The following NCAPD3 variants were observed in gnomAD, a reference collection of about 807,000 sequenced individuals.
NCAPD3 encodes non-SMC condensin II complex subunit D3, also known as condensin-2 complex subunit D3.
Under a neutral mutation model 182.9 loss-of-function variants are expected in NCAPD3, and 105 were observed. The ratio of observed to expected loss-of-function variants is 0.57; its 90% CI spans 0.49 to 0.68. The LOEUF (loss-of-function observed/expected upper bound fraction) is 0.68. NCAPD3 is among the 30% of genes least tolerant of loss of function. The pLI is 0.00. For missense variants in NCAPD3, 1,944 were observed against 1,837.0 expected (o/e 1.06, Z -1.07); for synonymous variants, 815 against 679.9 (o/e 1.20, Z -3.09).
chr11:134,196,155 G>A (rs925782069), intron 13 of NCAPD3, among the ~76,000 whole-genome samples: 1 of 151,816 alleles, frequency 6.6e-6, no homozygotes, highest in Non-Finnish European at 1.5e-5. Flanking sequence ...AAGAAAGGAG[G>A]GACATTACTA....
Position 134,223,844 on chromosome 11 carries a change from C to T in NCAPD3, c.64+19G>A, listed in dbSNP as rs779933156. 4 of 1,610,822 alleles carry T rather than the reference C, an allele frequency of 2.5e-6. No individual in the cohort carries two copies. In the East Asian group the frequency reaches 6.7e-5, roughly 27 times the overall value. ...GACCCTCGCCCTGGCCCCCGGGCCT[C>T]CCGGCTGCATCTGCTCACCGAGTCT... On this transcript the variant is annotated intron_variant, in intron 1 of 34. Transcript: ENST00000534548.
Position 134,168,909 on chromosome 11 carries a change from TC to T in NCAPD3, c.3239+7del. On this transcript the variant is annotated splice_region_variant and intron_variant, in intron 25 of 34. Transcript: ENST00000534548. ...TACAAGGAGACCAGACTTAGCTGCT[TC>T]ACTGACCTCTCTGACTGGGGGAACT... The T allele has an allele frequency of 4.3e-6, 7 of 1,611,542 alleles. No homozygotes were observed. The highest frequency in any genetic ancestry group is 5.1e-6 in the Non-Finnish European group (6 of 1,178,568).
In NCAPD3 at chr11:134,208,871, C is replaced by T; in HGVS notation, c.875G>A (p.Gly292Glu). ...YLLCSPIHGE[G>E]DKVISCVFHQ... ...GGTTCTCATCTCCTTTACCTTATCTCCTTCTCCATGAATGGGAGAGCACAG... is the reference window on the plus strand; with the variant it reads ...GGTTCTCATCTCCTTTACCTTATCTTCTTCTCCATGAATGGGAGAGCACAG... Residue 292 changes from glycine (G) to glutamate (E), a missense_variant, in exon 7 of 35, where the codon GGA becomes GAA. By Grantham distance (98) the Gly-to-Glu change is moderately conservative (BLOSUM62 -2). Coordinates refer to ENST00000534548, the MANE Select transcript of NCAPD3 (RefSeq NM_015261.3). 1 of 1,610,400 alleles carries T rather than the reference C, an allele frequency of 6.2e-7. No homozygotes were observed.
chr11:134,164,704 G>A (rs1352797687), intron 27 of NCAPD3, among the ~76,000 whole-genome samples: 3 of 151,460 alleles, frequency 2.0e-5, no homozygotes, highest in African/African-American at 7.3e-5. Flanking sequence ...TAAGCTTAGG[G>A]GAGCTGTACA....
chr11:134,207,703 C>T (rs1256835998), intron 7 of NCAPD3, among the ~76,000 whole-genome samples: 1 of 143,400 alleles, frequency 7.0e-6, no homozygotes, highest in Non-Finnish European at 1.5e-5. Flanking sequence ...GAGATCATGC[C>T]ACTGCACTCC....
chr11:134,169,039 GC>G lies in NCAPD3; in HGVS notation c.3116del (p.Cys1039SerfsTer7). On this transcript the variant is annotated frameshift_variant, in exon 25 of 35. Transcript: ENST00000534548. LOFTEE classifies it high-confidence loss of function. Reference sequence around the variant, plus strand: ...TCCTCTTCAGTAACAGGTGAGCCAGGCAAAACTCCCCGAAGCTGCAAAGGTG... The same window carrying G: ...TCCTCTTCAGTAACAGGTGAGCCAGGAAAACTCCCCGAAGCTGCAAAGGTG... ...HPDIASFGEF[C>X]LAHLLLKRNP... 6.2e-7 allele frequency: 1 copy of G among 1,613,598 alleles called. No individual in the cohort carries two copies. The highest frequency in any genetic ancestry group is 2.2e-5 in the East Asian group (1 of 44,898).
At chr11:134,196,809 A>C (rs950173036) in intron 13 of NCAPD3, among the ~76,000 whole-genome samples, 1 of 152,198 alleles carries the variant, frequency 6.6e-6, no homozygotes, top group African/African-American at 2.4e-5. Flanking sequence ...ATCCTTCATG[A>C]ACTCTTTCAA....
Position 134,153,207 on chromosome 11 carries a change from G to A in NCAPD3, c.4328-7C>T. ...CTCCGGCCTTCAATTTTCTCTAAAA[G>A]GGAGTCAAACAAACACATTCAGCTT... On this transcript the variant is annotated splice_polypyrimidine_tract_variant and splice_region_variant and intron_variant, in intron 33 of 34. Transcript: ENST00000534548. 2 of 1,614,080 alleles carry A rather than the reference G, an allele frequency of 1.2e-6. No homozygotes were observed. Among genetic ancestry groups the A allele is most frequent in the East Asian group, 2.2e-5 (1 of 44,878 alleles).
At chr11:134,157,229 C>A (rs1236216375) in intron 31 of NCAPD3, 134 bp from the exon 32 acceptor site, 1 of 583,124 alleles carries the variant, frequency 1.7e-6, no homozygotes, top group Non-Finnish European at 2.9e-6. Flanking sequence ...TATAAAGAGG[C>A]AATTCAGGAA....
chr11:134,222,278 T>G (rs897182788), intron 1 of NCAPD3, among the ~76,000 whole-genome samples: 1 of 152,238 alleles, frequency 6.6e-6, no homozygotes, highest in Admixed American at 6.5e-5. Context: ...AAGAAATACA[T>G]CACCTATTCA....
chr11:134,166,875 G>C (rs1282947839), intron 27 of NCAPD3, among the ~76,000 whole-genome samples: 1 of 106,610 alleles, frequency 9.4e-6, no homozygotes, highest in African/African-American at 3.8e-5. Flanking sequence ...CTTAGGGGAG[G>C]CGCACACTCA....
intron 13 of NCAPD3, among the ~76,000 whole-genome samples, chr11:134,199,504 T>C (rs926349652): frequency 7.4e-6 from 1 of 134,810 alleles, no homozygotes; most frequent in Non-Finnish European, 1.5e-5. Flanking sequence ...AACCATACTT[T>C]GAGTTTTGAA....
chr11:134,166,125 TGGG>T (rs1355386452), intron 27 of NCAPD3, among the ~76,000 whole-genome samples: 1 of 3,194 alleles, frequency 3.1e-4, no homozygotes, highest in Non-Finnish European at 6.7e-4. Context: ...GAGATGAGCT[TGGG>T]GGAGGGGCAC....
rs746836511 is a variant in NCAPD3, at chr11:134,159,925, C to A, written c.3834G>T (p.Thr1278=). ...ELAKHADVAG[T]AGGAEVAPVA... ...CAGGTGCCACCTCAGCACCTCCAGC[C>A]GTCCCGGCCACATCTGCATGTTTTG... Residue 1278 remains threonine (T), a synonymous_variant, in exon 29 of 35, where the codon ACG becomes ACT. Coordinates refer to ENST00000534548, the MANE Select transcript of NCAPD3 (RefSeq NM_015261.3). 6.2e-7 allele frequency: 1 copy of A among 1,613,672 alleles called. No individual in the cohort carries two copies. Among genetic ancestry groups the A allele is most frequent in the Non-Finnish European group, 8.5e-7 (1 of 1,180,012 alleles).
chr11:134,202,721 G>GAA (rs369086849), intron 13 of NCAPD3, 95 bp downstream of exon 13: 4,228 of 753,208 alleles, frequency 5.6e-3, no homozygotes, highest in South Asian at 9.1e-3. Context: ...GAATAAATCA[G>GAA]AAAAAAAAAA....
In NCAPD3 at chr11:134,185,389, G is replaced by C; in HGVS notation, c.2183C>G (p.Ser728Cys). Reference sequence around the variant, plus strand: ...TCTGCTGTAGTCCAGCCTGGGTGAGGAGCCAGCAATCTTGGAGAGCAGCAT... The same window carrying C: ...TCTGCTGTAGTCCAGCCTGGGTGAGCAGCCAGCAATCTTGGAGAGCAGCAT... Reference protein sequence around the residue: ...AWMLLSKIAGSSPRLDYSRII... With the variant: ...AWMLLSKIAGCSPRLDYSRII... Residue 728 changes from serine (S) to cysteine (C), a missense_variant, in exon 17 of 35, where the codon TCC (serine) becomes TGC (cysteine). Around this residue, in one of 3 missense-constraint regions of NCAPD3, gnomAD observed 1,803 missense variants for 1,674.6 expected, o/e 1.08. Transcript: ENST00000534548. 1 of 1,613,970 alleles carries C rather than the reference G, an allele frequency of 6.2e-7. No homozygotes were observed.
chr11:134,201,659 C>T (rs375646539), intron 13 of NCAPD3, among the ~76,000 whole-genome samples: 10 of 152,280 alleles, frequency 6.6e-5, no homozygotes, highest in East Asian at 5.8e-4. Flanking sequence ...GGGCTCTTTG[C>T]GTCCCCGAAC....
At chr11:134,214,343 T>C (rs565739701) in intron 3 of NCAPD3, among the ~76,000 whole-genome samples, 3 of 152,100 alleles carry the variant, frequency 2.0e-5, no homozygotes, top group South Asian at 2.1e-4. Flanking sequence ...CAAGAAAAAT[T>C]TGAAAATCAC....
chr11:134,152,894 C>T lies in NCAPD3; in HGVS notation c.*50G>A. On this transcript the variant is annotated 3_prime_UTR_variant, in exon 35 of 35. Coordinates refer to ENST00000534548, the MANE Select transcript of NCAPD3 (RefSeq NM_015261.3). ...CTGCCTTCACACGGAGGACACGAGA[C>T]TGCTTCCTCAAGGGCTCCTGCCTGC... The T allele has an allele frequency of 7.1e-7, 1 of 1,408,134 alleles. No individual in the cohort carries two copies. Among genetic ancestry groups the T allele is most frequent in the Non-Finnish European group, 9.7e-7 (1 of 1,035,972 alleles). 87.2% of individuals were successfully genotyped at this position (1,408,134 alleles called of 1,614,324 possible). A position where few individuals can be genotyped will look rare whatever the true frequency, so the allele number is the denominator to read the frequency against.
Sources: gnomAD v4.1 joint callset for allele counts (sites outside exome capture counted in the v4.1 genomes callset) on GRCh38, gnomAD v4.1.1 for gene constraint, gnomAD v4.1.1 regional missense constraint, MANE v1.5 for transcripts, NCBI Gene and HGNC (gene_info 2026-07-23, HGNC 2026-07-21) for gene names.